DGKB: variants seen among roughly 807,000 people sequenced by gnomAD.
DGKB encodes the protein 90 kDa diacylglycerol kinase.
DGKB carries 67 observed loss-of-function variants against 114.3 expected under a neutral mutation model. The ratio of observed to expected loss-of-function variants is 0.59; its 90% CI spans 0.48 to 0.72. The LOEUF is 0.72. DGKB is among the 30% of genes least tolerant of loss of function. The pLI, the probability that DGKB is intolerant of heterozygous loss-of-function variation, is 0.00. For missense variants in DGKB, 907 were observed against 975.2 expected (o/e 0.93, Z 0.93); for synonymous variants, 398 against 323.1 (o/e 1.23, Z -2.49).
At chr7:14,812,338 C>G (rs1843555863) in intron 2 of DGKB, among the ~76,000 whole-genome samples, 1 of 151,996 alleles carries the variant, frequency 6.6e-6, no homozygotes, top group Non-Finnish European at 1.5e-5. Flanking sequence ...GCTTTTGTCT[C>G]ATTAAAATGG....
At chr7:14,732,571 A>G (rs1831083786) in intron 5 of DGKB, among the ~76,000 whole-genome samples, 1 of 152,172 alleles carries the variant, frequency 6.6e-6, no homozygotes, top group East Asian at 1.9e-4. Flanking sequence ...AAAAAAAAAT[A>G]GGGTTAGATA....
chr7:14,403,800 A>C (rs1823511992), intron 21 of DGKB, among the ~76,000 whole-genome samples: 1 of 151,858 alleles, frequency 6.6e-6, no homozygotes, highest in Non-Finnish European at 1.5e-5. Context: ...AAACCACTAA[A>C]CCCTACATGA....
chr7:14,774,849 T>C (rs891466486), intron 2 of DGKB, among the ~76,000 whole-genome samples: 3 of 152,224 alleles, frequency 2.0e-5, no homozygotes, highest in African/African-American at 7.2e-5. Flanking sequence ...TTTCTTTGCA[T>C]GCCTTGGCTG....
Position 14,718,597 on chromosome 7 carries a change from G to C in DGKB, c.411C>G (p.Asp137Glu), listed in dbSNP as rs757653826. Reference sequence around the variant, plus strand: ...CAAGCAGAGACAGGTAACAGACAATGTCCTTCAGATGGATTACTTCTGGGG... The same window carrying C: ...CAAGCAGAGACAGGTAACAGACAATCTCCTTCAGATGGATTACTTCTGGGG... ...TCSPEVIHLKDIVCYLSLLER... is the reference protein window; with the variant it reads ...TCSPEVIHLKEIVCYLSLLER... The change falls in exon 6 of 26, where the codon GAC becomes GAG. Residue 137 changes from aspartate to glutamate, a missense_variant. This residue lies in a region of DGKB where 814 missense variants were observed against 856.6 expected (regional missense o/e 0.95). Coordinates refer to ENST00000402815, the MANE Select transcript of DGKB (RefSeq NM_001350709.2). 2 of 1,612,916 alleles carry C rather than the reference G, an allele frequency of 1.2e-6. No homozygotes were observed. Among genetic ancestry groups the C allele is most frequent in the Non-Finnish European group, 1.7e-6 (2 of 1,179,212 alleles).
At chr7:14,794,267 T>C (rs1420510607) in intron 2 of DGKB, among the ~76,000 whole-genome samples, 1 of 152,134 alleles carries the variant, frequency 6.6e-6, no homozygotes, top group East Asian at 1.9e-4. Context: ...ATTGATTCTG[T>C]ATTTGATAAT....
intron 1 of DGKB, among the ~76,000 whole-genome samples, chr7:14,922,406 G>GTGTGTGTA (rs1784554109): frequency 3.3e-5 from 5 of 151,642 alleles, no homozygotes; most frequent in African/African-American, 9.7e-5. Context: ...GTGTGTGTGT[G>GTGTGTGTA]TGTGTGTGTA....
intron 21 of DGKB, among the ~76,000 whole-genome samples, chr7:14,420,798 A>G (rs1180016455): frequency 6.6e-6 from 1 of 152,100 alleles, no homozygotes; most frequent in Non-Finnish European, 1.5e-5. Flanking sequence ...GATGAGAAAG[A>G]AAGAGTAGCC....
chr7:14,524,351 C>G (rs1043741323), intron 20 of DGKB, among the ~76,000 whole-genome samples: 1 of 152,154 alleles, frequency 6.6e-6, no homozygotes, highest in Admixed American at 6.6e-5. Flanking sequence ...TAGAAGAATA[C>G]CTTTTCCTAG....
intron 21 of DGKB, among the ~76,000 whole-genome samples, chr7:14,470,059 T>C (rs1231033009): frequency 6.6e-6 from 1 of 151,864 alleles, no homozygotes; most frequent in African/African-American, 2.4e-5. Context: ...TTCATTTAAA[T>C]GATATAGCAA....
chr7:14,827,625 G>C (rs1356022227), intron 2 of DGKB, among the ~76,000 whole-genome samples: 2 of 152,080 alleles, frequency 1.3e-5, no homozygotes, highest in Non-Finnish European at 2.9e-5. Context: ...TTGGGTCAAG[G>C]AGACTGTTAC....
At chr7:14,781,710 T>A (rs553569890) in intron 2 of DGKB, among the ~76,000 whole-genome samples, 1 of 152,190 alleles carries the variant, frequency 6.6e-6, no homozygotes, top group Non-Finnish European at 1.5e-5. Context: ...AACTATGTAG[T>A]TATTTTTACG....
At chr7:14,288,219 G>GT (rs57856236) in intron 23 of DGKB, among the ~76,000 whole-genome samples, 80,413 of 106,168 alleles carry the variant, frequency 0.76, 30,351 homozygotes, top group South Asian at 0.91. Flanking sequence ...TTGATAATCT[G>GT]TTTTTTTTTT....
rs1562626892 is a variant in DGKB, at chr7:14,211,289, A to ATTTTATTTACTCTCATGTTT, written c.2123-33139_2123-33138insAAACATGAGAGTAAATAAAA. 1.9e-5 allele frequency among the ~76,000 whole-genome samples: 2 copies of ATTTTATTTACTCTCATGTTT among 107,050 alleles called. 1 individual carries two copies. The highest frequency in any genetic ancestry group is 1.8e-4 in the Admixed American group (2 of 10,878). 70.2% of individuals were successfully genotyped at this position (107,050 alleles called of 152,430 possible). ...GAAGTCTCTTTCCTTAGCCTCTACT[A>ATTTTATTTACTCTCATGTTT]TGTGATATTTACTCTCATGTTTTGT... On this transcript the variant is annotated intron_variant, in intron 23 of 25. Transcript: ENST00000402815.
intron 20 of DGKB, among the ~76,000 whole-genome samples, chr7:14,506,889 T>C (rs1787169352): frequency 6.6e-6 from 1 of 152,214 alleles, no homozygotes; most frequent in Non-Finnish European, 1.5e-5. Context: ...GTAGAAGTCA[T>C]ATATATCAAT....
At chr7:14,150,881 C>A (rs1197026382) in intron 25 of DGKB, among the ~76,000 whole-genome samples, 1 of 151,968 alleles carries the variant, frequency 6.6e-6, no homozygotes, top group Non-Finnish European at 1.5e-5. Flanking sequence ...AAAATTTGTT[C>A]AGCCCCTACT....
chr7:14,306,998 T>C (rs183295200), intron 23 of DGKB, among the ~76,000 whole-genome samples: 2 of 152,190 alleles, frequency 1.3e-5, no homozygotes, highest in Non-Finnish European at 2.9e-5. Context: ...TTTCAACAGA[T>C]TTGGTGCCCT....
At chr7:14,360,074 C>A (rs1387627871) in intron 21 of DGKB, among the ~76,000 whole-genome samples, 1 of 152,114 alleles carries the variant, frequency 6.6e-6, no homozygotes, top group African/African-American at 2.4e-5. Flanking sequence ...AAATGTCCTT[C>A]AGTGATAGAC....
chr7:14,567,846 A>T (rs941633512), intron 20 of DGKB, among the ~76,000 whole-genome samples: 1 of 151,792 alleles, frequency 6.6e-6, no homozygotes, highest in Non-Finnish European at 1.5e-5. Flanking sequence ...ACTTCAGGTG[A>T]TCTGCCTTCC....
rs530041940 is a variant in DGKB, at chr7:14,268,928, C to A, written c.2122+69587G>T. 3.9e-5 allele frequency: 6 copies of A among 152,304 alleles called. No individual in the cohort carries two copies. The South Asian group carries it at 1.2e-3, about 32-fold the overall frequency. The allele number at this position is 152,304 out of a possible 1,614,324, so 9.4% of individuals were successfully genotyped here. A position where few individuals can be genotyped will look rare whatever the true frequency, so the allele number is the denominator to read the frequency against. On this transcript the variant is annotated intron_variant, in intron 23 of 25. Transcript: ENST00000402815. ...TTGTTTAGCAGCTCAAAACAACACA[C>A]ATTTATTAGCTCACAGTTTCTGTGG...
Sources: allele counts gnomAD v4.1 joint callset (sites outside exome capture counted in the v4.1 genomes callset), GRCh38; gene constraint gnomAD v4.1.1; regional missense constraint gnomAD v4.1.1; transcripts MANE v1.5; gene names NCBI Gene and HGNC (gene_info 2026-07-23, HGNC 2026-07-21).